TTC7B: variants seen among roughly 807,000 people sequenced by gnomAD.
The protein encoded by TTC7B is tetratricopeptide repeat protein 7B.
TTC7B carries 28 observed loss-of-function variants against 106.8 expected under a neutral mutation model. The ratio of observed to expected loss-of-function variants is 0.26; its 90% confidence interval spans 0.19 to 0.36. TTC7B has a LOEUF of 0.36. Ranked by LOEUF, TTC7B falls within the 10% of genes least tolerant of loss-of-function variation. The pLI, the probability that TTC7B is intolerant of heterozygous loss-of-function variation, is 1.00. For missense variants in TTC7B, 862 were observed against 1,076.4 expected, an observed-to-expected ratio of 0.80 and a Z score of 2.79; for synonymous variants, 405 against 430.6, an observed-to-expected ratio of 0.94 and a Z score of 0.74.
rs184338998 is a variant in TTC7B at position 90,682,148 on chromosome 14, G to A, written c.951-1613C>T. Among the ~76,000 whole-genome samples, 7 of 152,056 alleles carry A rather than the reference G, an allele frequency of 4.6e-5. 1 individual carries two copies. The East Asian group carries it at 1.4e-3, about 29-fold the overall frequency. ...ATCATTTTTTTTTTCATGGCTAGCC[G>A]GTTCTGCATTATCCAGACCAATTGA... is the stretch of plus-strand genomic sequence containing the variant. On this transcript the variant is annotated intron_variant, in intron 7 of 19. Transcript: ENST00000328459.
intron 4 of TTC7B, 114 bp from the exon 5 acceptor site, chr14:90,730,310 A>G (rs1280894088): frequency 5.6e-6 from 7 of 1,258,664 alleles, no homozygotes; most frequent in East Asian, 2.4e-5. Flanking sequence ...TCAGGCAAAT[A>G]TCAGTGCAGA....
chr14:90,760,225 G>GGGGGGTTGGCCTT (rs1890453975), intron 3 of TTC7B, among the ~76,000 whole-genome samples: 1 of 152,054 alleles, frequency 6.6e-6, no homozygotes, highest in Non-Finnish European at 1.5e-5. Context: ...AAACAGAGGT[G>GGGGGGTTGGCCTT]GGGGGTTGGC....
intron 8 of TTC7B, among the ~76,000 whole-genome samples, chr14:90,678,170 T>A (rs1457953880): frequency 6.6e-6 from 1 of 152,200 alleles, no homozygotes; most frequent in East Asian, 1.9e-4. Context: ...ATTAAAAAGG[T>A]ACAATATAGA....
intron 19 of TTC7B, among the ~76,000 whole-genome samples, chr14:90,547,137 A>G (rs1265865676): frequency 6.6e-6 from 1 of 152,220 alleles, no homozygotes; most frequent in Non-Finnish European, 1.5e-5. Flanking sequence ...TGAGGAAGTA[A>G]CTTATTAGTC....
intron 19 of TTC7B, among the ~76,000 whole-genome samples, chr14:90,544,953 C>G (rs980225722): frequency 6.6e-6 from 1 of 152,204 alleles, no homozygotes; most frequent in African/African-American, 2.4e-5. Flanking sequence ...CTAGGCTCTG[C>G]CACCGTAGCA....
chr14:90,545,945 A>G (rs930475218), intron 19 of TTC7B, among the ~76,000 whole-genome samples: 8 of 152,222 alleles, frequency 5.3e-5, no homozygotes, highest in South Asian at 2.1e-4. Flanking sequence ...CCATTTTCAG[A>G]TGACCTTGAA....
At chr14:90,607,752 A>G (rs957231776) in intron 17 of TTC7B, among the ~76,000 whole-genome samples, 1 of 152,232 alleles carries the variant, frequency 6.6e-6, no homozygotes, top group Admixed American at 6.5e-5. Context: ...GAATAAGGCA[A>G]TTCTCCACAG....
At chr14:90,773,035 G>C (rs1890915191) in intron 3 of TTC7B, 1 of 152,242 alleles carries the variant, frequency 6.6e-6, no homozygotes, top group South Asian at 2.1e-4. Context: ...ACTAGGGACA[G>C]CTAGAAGTAT....
intron 3 of TTC7B, among the ~76,000 whole-genome samples, chr14:90,754,364 G>C (rs781685786): frequency 2.0e-5 from 3 of 152,216 alleles, no homozygotes; most frequent in African/African-American, 4.8e-5. Flanking sequence ...TCTGAAGCCA[G>C]ACTCCTTGCT....
chr14:90,635,911 G>C (rs1483902816), intron 15 of TTC7B, among the ~76,000 whole-genome samples: 1 of 152,024 alleles, frequency 6.6e-6, no homozygotes, highest in Non-Finnish European at 1.5e-5. Flanking sequence ...CTTGAGGTCA[G>C]GAGTTCGAGA....
chr14:90,626,741 C>A lies in TTC7B; in HGVS notation c.1752-8696G>T, dbSNP rs113688454. Reference sequence around the variant, plus strand: ...GAAACCGTGTCTATATGCTTTTCATCCATCAAACCTGAGTACCTGGTTTCT... The same window carrying A: ...GAAACCGTGTCTATATGCTTTTCATACATCAAACCTGAGTACCTGGTTTCT... On this transcript the variant is annotated intron_variant, in intron 15 of 19. Coordinates refer to ENST00000328459, the MANE Select transcript of TTC7B (RefSeq NM_001010854.2). Among the ~76,000 whole-genome samples, 286 of 152,314 alleles carry A rather than the reference C, an allele frequency of 1.9e-3. 1 individual carries two copies. The highest frequency in any genetic ancestry group is 6.6e-3 in the African/African-American group (276 of 41,560).
At chr14:90,722,315 A>G (rs1218353063) in intron 5 of TTC7B, among the ~76,000 whole-genome samples, 1 of 152,272 alleles carries the variant, frequency 6.6e-6, no homozygotes, top group East Asian at 1.9e-4. Flanking sequence ...TGAGGTTAAA[A>G]TGTAGCCTGT....
intron 7 of TTC7B, among the ~76,000 whole-genome samples, chr14:90,681,921 G>A (rs1490774646): frequency 6.6e-6 from 1 of 152,100 alleles, no homozygotes; most frequent in Non-Finnish European, 1.5e-5. Flanking sequence ...ATGCACACTC[G>A]TGCCCCACAA....
At chr14:90,690,161 G>A (rs1326681473) in intron 6 of TTC7B, among the ~76,000 whole-genome samples, 4 of 152,136 alleles carry the variant, frequency 2.6e-5, no homozygotes, top group South Asian at 2.1e-4. Context: ...CTGACAATCC[G>A]ATGTCCACTG....
At chr14:90,738,908 C>A (rs1370708207) in intron 4 of TTC7B, among the ~76,000 whole-genome samples, 1 of 151,994 alleles carries the variant, frequency 6.6e-6, no homozygotes, top group African/African-American at 2.4e-5. Flanking sequence ...GCCTGTGGTC[C>A]CAGCTACTTG....
chr14:90,695,188 T>G (rs1161630683), intron 6 of TTC7B, among the ~76,000 whole-genome samples: 2 of 46,950 alleles, frequency 4.3e-5, no homozygotes, highest in Non-Finnish European at 8.5e-5. Flanking sequence ...ATATTTTATA[T>G]ACATTTTAGT....
chr14:90,589,719 A>C (rs1251751365), intron 18 of TTC7B, among the ~76,000 whole-genome samples: 1 of 152,202 alleles, frequency 6.6e-6, no homozygotes, highest in Admixed American at 6.5e-5. Context: ...GTGCGGTGAA[A>C]GCTGTTTTCT....
At chr14:90,809,349 C>A (rs1221299013) in intron 1 of TTC7B, among the ~76,000 whole-genome samples, 1 of 152,282 alleles carries the variant, frequency 6.6e-6, no homozygotes, top group Non-Finnish European at 1.5e-5. Context: ...CATGCTTGCA[C>A]TTCAGCCAAT....
chr14:90,714,668 G>A (rs1293988731), intron 5 of TTC7B, among the ~76,000 whole-genome samples: 7 of 151,952 alleles, frequency 4.6e-5, no homozygotes, highest in South Asian at 2.1e-4. Context: ...TGCTGGCCAG[G>A]CTGGTCTTGA....
Sources: gnomAD v4.1 joint callset for allele counts (sites outside exome capture counted in the v4.1 genomes callset) on GRCh38, gnomAD v4.1.1 for gene constraint, MANE v1.5 for transcripts, NCBI Gene and HGNC (gene_info 2026-07-23, HGNC 2026-07-21) for gene names.